The following BCL7C variants were observed in gnomAD, a reference collection of about 807,000 sequenced individuals.
BCL7C encodes B-cell CLL/lymphoma 7 protein family member C.
A neutral mutation model predicts 26.2 loss-of-function variants in BCL7C; 8 were observed. The ratio of observed to expected loss-of-function variants is 0.30; its 90% CI spans 0.18 to 0.55. The LOEUF (loss-of-function observed/expected upper bound fraction) is 0.55. Ranked by LOEUF, BCL7C falls within the 20% of genes least tolerant of loss-of-function variation. BCL7C has a pLI of 0.93. For missense variants in BCL7C, 262 were observed against 298.5 expected (o/e 0.88, Z 0.90); for synonymous variants, 90 against 116.5 (o/e 0.77, Z 1.47).
chr16:30,885,528 C>T (rs1208217402), downstream of BCL7C, among the ~76,000 whole-genome samples: 2 of 151,838 alleles, frequency 1.3e-5, no homozygotes, highest in Non-Finnish European at 2.9e-5. Context: ...CTCAGCTTCC[C>T]GAGTAGCAGG....
chr16:30,873,932 C>CATAT (rs140558875), intron 5 of BCL7C, among the ~76,000 whole-genome samples: 25 of 136,708 alleles, frequency 1.8e-4, no homozygotes, highest in Admixed American at 5.2e-4. Context: ...TCTCTATATA[C>CATAT]ATATATATAT....
chr16:30,844,667 G>A (rs902356771), intron 5 of BCL7C, among the ~76,000 whole-genome samples: 1 of 152,178 alleles, frequency 6.6e-6, no homozygotes, highest in Admixed American at 6.5e-5. Flanking sequence ...GTAGGGAGGG[G>A]AAGTTCCAGG....
At chr16:30,873,848 C>CAAA (rs201448296) in intron 5 of BCL7C, among the ~76,000 whole-genome samples, 8 of 133,500 alleles carry the variant, frequency 6.0e-5, no homozygotes, top group Non-Finnish European at 7.8e-5. Flanking sequence ...TACACTGTCT[C>CAAA]AAAAAAAAAA....
chr16:30,839,132 C>T (rs2054586960), intron 5 of BCL7C, among the ~76,000 whole-genome samples: 1 of 152,182 alleles, frequency 6.6e-6, no homozygotes, highest in South Asian at 2.1e-4. Flanking sequence ...CAACAGATTT[C>T]CAACAGATAA....
intron 5 of BCL7C, among the ~76,000 whole-genome samples, chr16:30,850,078 C>T (rs1346779115): frequency 1.3e-5 from 2 of 151,810 alleles, no homozygotes; most frequent in East Asian, 1.9e-4. Context: ...GGCATGGTGG[C>T]AGGCACCTGT....
intron 5 of BCL7C, among the ~76,000 whole-genome samples, chr16:30,870,981 G>A (rs1176908745): frequency 6.6e-6 from 1 of 152,194 alleles, no homozygotes. Flanking sequence ...AAGTAGCGAG[G>A]ACCAGATAAA....
At chr16:30,892,804 C>T (rs200238657) in intron 3 of BCL7C, 36 bp downstream of exon 3, 8 of 1,613,840 alleles carry the variant, frequency 5.0e-6, no homozygotes, top group South Asian at 3.3e-5. Context: ...CTCCTTCAGT[C>T]CCCACAGCCC....
intron 5 of BCL7C, among the ~76,000 whole-genome samples, chr16:30,859,519 C>T (rs1417022571): frequency 2.0e-5 from 3 of 152,122 alleles, no homozygotes; most frequent in African/African-American, 7.2e-5. Context: ...ATCCAGATGG[C>T]CTGAAGCAAC....
At chr16:30,871,237 G>T (rs370914192) in intron 5 of BCL7C, among the ~76,000 whole-genome samples, 3 of 152,276 alleles carry the variant, frequency 2.0e-5, no homozygotes, top group East Asian at 3.9e-4. Flanking sequence ...ACACTGAAAT[G>T]CTGCTGTAAA....
At chr16:30,871,874 G>T (rs779664269) in intron 5 of BCL7C, among the ~76,000 whole-genome samples, 1 of 152,120 alleles carries the variant, frequency 6.6e-6, no homozygotes, top group Non-Finnish European at 1.5e-5. Context: ...AGACCAGATG[G>T]ACCCTAATCA....
rs759029992 is a variant in BCL7C at position 30,893,588 on chromosome 16, C to T, written c.92+265G>A. On this transcript the variant is annotated intron_variant, in intron 1 of 5. Coordinates refer to ENST00000215115, the MANE Select transcript of BCL7C (RefSeq NM_004765.4). The surrounding 1 kb of genome is among the most constrained non-coding windows in gnomAD (Gnocchi z 5.2). Reference sequence around the variant, plus strand: ...GATCAGAGCCCTGCAGATCCTGGGGCGCACCTGCAGGAGGGGTGTCAAAGC... The same window carrying T: ...GATCAGAGCCCTGCAGATCCTGGGGTGCACCTGCAGGAGGGGTGTCAAAGC... Among the ~76,000 whole-genome samples, 4 of 151,972 alleles carry T rather than the reference C, an allele frequency of 2.6e-5. No homozygotes were observed. Among genetic ancestry groups the T allele is most frequent in the East Asian group, 1.9e-4 (1 of 5,160 alleles).
intron 5 of BCL7C, among the ~76,000 whole-genome samples, chr16:30,880,919 C>A (rs1484778885): frequency 6.6e-6 from 1 of 151,994 alleles, no homozygotes; most frequent in Non-Finnish European, 1.5e-5. Context: ...CCAGGATAGT[C>A]TTAAACTTCT....
intron 5 of BCL7C, among the ~76,000 whole-genome samples, chr16:30,837,503 A>C (rs2054577336): frequency 6.6e-6 from 1 of 151,606 alleles, no homozygotes; most frequent in African/African-American, 2.4e-5. Flanking sequence ...GCCCACCACC[A>C]CGCCCAGCTA....
intron 5 of BCL7C, among the ~76,000 whole-genome samples, chr16:30,838,631 C>A (rs1384326677): frequency 1.3e-5 from 2 of 152,086 alleles, no homozygotes; most frequent in African/African-American, 4.8e-5. Context: ...AAAAAAAATA[C>A]AAAAAATTAG....
At position 30,834,372 on chromosome 16, in the gene BCL7C, A is replaced by G. The variant is rs1384178979; in HGVS notation, c.*576T>C. Reference sequence around the variant, plus strand: ...TGGAGGTCTCCCAGCGCTGGCATACATAAGCCCTGGCGTGCGGGGCGGCTT... The same window carrying G: ...TGGAGGTCTCCCAGCGCTGGCATACGTAAGCCCTGGCGTGCGGGGCGGCTT... On this transcript the variant is annotated 3_prime_UTR_variant, in exon 6 of 6. Coordinates refer to the BCL7C transcript ENST00000380317. This position sits in a 1 kb window ranked among gnomAD's most constrained non-coding sequence, Gnocchi z 4.3. The G allele has an allele frequency of 6.6e-6, 1 of 152,314 alleles. No individual in the cohort carries two copies. Among genetic ancestry groups the G allele is most frequent in the Non-Finnish European group, 1.5e-5 (1 of 68,084 alleles). The allele number at this position is 152,314 out of a possible 1,614,324, so 9.4% of individuals were successfully genotyped here.
intron 5 of BCL7C, among the ~76,000 whole-genome samples, chr16:30,860,974 C>T (rs143091902): frequency 5.3e-5 from 8 of 152,206 alleles, no homozygotes; most frequent in South Asian, 2.1e-4. Flanking sequence ...TTTTTTTCCG[C>T]GACTAGCCCT....
chr16:30,858,480 G>A (rs1429277011), intron 5 of BCL7C, among the ~76,000 whole-genome samples: 1 of 152,130 alleles, frequency 6.6e-6, no homozygotes, highest in African/African-American at 2.4e-5. Flanking sequence ...AAACGCCAGT[G>A]TGCTCCACCA....
chr16:30,835,265 T>C, intron 5 of BCL7C: 1 of 950,390 alleles, frequency 1.1e-6, no homozygotes, highest in African/African-American at 1.7e-5. Flanking sequence ...GAAAGTCTTT[T>C]GCAAGCGATT....
chr16:30,837,026 C>G (rs992972200), intron 5 of BCL7C, among the ~76,000 whole-genome samples: 18 of 151,808 alleles, frequency 1.2e-4, no homozygotes, highest in Admixed American at 1.1e-3. Flanking sequence ...GAACTCCTGA[C>G]CTCGTGATCC....
Sources: gnomAD v4.1 joint callset for allele counts (sites outside exome capture counted in the v4.1 genomes callset) on GRCh38, gnomAD v4.1.1 for gene constraint, Gnocchi (gnomAD v3.1) non-coding constraint, MANE v1.5 for transcripts, NCBI Gene and HGNC (gene_info 2026-07-23, HGNC 2026-07-21) for gene names.